The following APTX variants were observed in gnomAD, a reference collection of about 807,000 sequenced individuals.
APTX encodes the protein aprataxin.
APTX carries 33 observed loss-of-function variants against 42.3 expected under a neutral mutation model. That is an observed-to-expected ratio of 0.78 (90% confidence interval 0.59 to 1.04). The LOEUF (loss-of-function observed/expected upper bound fraction) is 1.04, where lower values mean the gene tolerates loss of function less well. Among genes scored for constraint, APTX ranks in the 50% least tolerant of loss-of-function variants. APTX has a pLI of 0.00. For synonymous variants in APTX, 130 were observed against 146.7 expected, an observed-to-expected ratio of 0.89 and a Z score of 0.82; for missense variants, 421 against 415.1, an observed-to-expected ratio of 1.01 and a Z score of -0.12.
Position 32,972,994 on chromosome 9 carries a change from A to G in APTX, c.*504T>C. ...GGATAGAAGGGCATGGAAGGACTGG[A>G]CAAACTAAGCCTCCCCATGAAGGAA... On this transcript the variant is annotated 3_prime_UTR_variant, in exon 8 of 8. Transcript: ENST00000379817. 1 of 454,138 alleles carries G rather than the reference A, an allele frequency of 2.2e-6. No individual in the cohort carries two copies. Among genetic ancestry groups the G allele is most frequent in the Non-Finnish European group, 4.4e-6 (1 of 226,774 alleles). 28.1% of individuals were successfully genotyped at this position (454,138 alleles called of 1,614,324 possible). A position where few individuals can be genotyped will look rare whatever the true frequency, so the allele number is the denominator to read the frequency against.
At chr9:32,981,839 T>A (rs1830745968) in intron 6 of APTX, among the ~76,000 whole-genome samples, 1 of 152,092 alleles carries the variant, frequency 6.6e-6, no homozygotes, top group South Asian at 2.1e-4. Flanking sequence ...AACTAATAAG[T>A]TAGGTGAAGG....
At chr9:33,024,461 T>C (rs757093316) in intron 1 of APTX, among the ~76,000 whole-genome samples, 4 of 152,156 alleles carry the variant, frequency 2.6e-5, no homozygotes, top group Non-Finnish European at 5.9e-5. Flanking sequence ...CCCTGACCCG[T>C]AGGATTTAAA....
intron 1 of APTX, among the ~76,000 whole-genome samples, chr9:33,016,826 T>C (rs553843155): frequency 1.3e-5 from 2 of 152,298 alleles, no homozygotes; most frequent in South Asian, 4.1e-4. Flanking sequence ...CCAGACTGTG[T>C]AGTGCTGGGC....
At chr9:33,020,801 C>G (rs1838310935) in intron 1 of APTX, among the ~76,000 whole-genome samples, 1 of 152,228 alleles carries the variant, frequency 6.6e-6, no homozygotes, top group Non-Finnish European at 1.5e-5. Flanking sequence ...CCAGCCATCT[C>G]CAGCTACCTC....
Position 32,989,884 on chromosome 9 carries a change from C to G in APTX, c.8G>C (p.Arg3Pro), listed in dbSNP as rs746257545. ...GTCCTGTCTCACCAACCAGCACACC[C>G]GCATCATCACTCTAAGGGACAAAAC... MM[R>P]VCWLVRQDSR... The change falls in exon 2 of 8, where the codon CGG becomes CCG. Residue 3 changes from arginine (R) to proline (P), a missense_variant. Coordinates refer to ENST00000379817, the MANE Select transcript of APTX (RefSeq NM_001195248.2). 2 of 1,613,882 alleles carry G rather than the reference C, an allele frequency of 1.2e-6. No individual in the cohort carries two copies. The highest frequency in any genetic ancestry group is 1.7e-5 in the Admixed American group (1 of 59,994).
rs534907918 is a variant in APTX at position 32,989,845 on chromosome 9, C to T, written c.47G>A (p.Arg16Gln). ...TGCTTCCAAATGTGGAAGTCTGATT[C>T]GCTGGTGCCGGCTGTCCTGTCTCAC... is the stretch of plus-strand genomic sequence containing the variant. Reference protein sequence around the residue: ...WLVRQDSRHQRIRLPHLEAVV... With the variant: ...WLVRQDSRHQQIRLPHLEAVV... Residue 16 changes from arginine (R) to glutamine (Q), a missense_variant, in exon 2 of 8, where the codon CGA (arginine) becomes CAA (glutamine). Arg to Gln is a conservative substitution (Grantham distance 43). Coordinates refer to ENST00000379817, the MANE Select transcript of APTX (RefSeq NM_001195248.2). The T allele has an allele frequency of 2.2e-5, 35 of 1,614,236 alleles. 1 individual carries two copies. The East Asian group carries it at 4.5e-4, about 21-fold the overall frequency.
In APTX at chr9:33,012,435, T is replaced by C. The variant is rs139231033; in HGVS notation, c.-5+12588A>G. On this transcript the variant is annotated intron_variant, in intron 1 of 6. Transcript: ENST00000436040. ...AGTCCCCTTCCACATTGACTGGACT[T>C]GGCTGAGTGACTGGCTTTTGCCAAT... Among the ~76,000 whole-genome samples the C allele has an allele frequency of 4.9e-3, 741 of 152,316 alleles. 8 individuals carry two copies. Among genetic ancestry groups the C allele is most frequent in the African/African-American group, 0.017 (717 of 41,562 alleles).
At chr9:33,011,310 T>TG (rs1176129802) in intron 1 of APTX, among the ~76,000 whole-genome samples, 3 of 151,446 alleles carry the variant, frequency 2.0e-5, no homozygotes, top group Non-Finnish European at 4.4e-5. Flanking sequence ...TGTTTTGAGA[T>TG]GGAGTCTTGC....
intron 1 of APTX, chr9:33,001,357 A>G: frequency 1.3e-6 from 2 of 1,529,306 alleles, no homozygotes; most frequent in Non-Finnish European, 1.7e-6. Context: ...CACGTGAACA[A>G]ACGCAAAGTG....
At chr9:32,986,267 T>C in intron 4 of APTX, 1 of 613,326 alleles carries the variant, frequency 1.6e-6, no homozygotes, top group Non-Finnish European at 3.0e-6. Context: ...CAAGCTGGAG[T>C]GCAGCGGCGT....
Position 32,987,828 on chromosome 9 carries a change from T to TA in APTX, c.198_199insT (p.Ser67Ter). On this transcript the variant is annotated frameshift_variant, in exon 4 of 8. Coordinates refer to ENST00000379817, the MANE Select transcript of APTX (RefSeq NM_001195248.2). LOFTEE classifies it high-confidence loss of function. ...TTCCCAATTACGACTGAGTCAATGC[T>TA]GGTGGGATTGACTCCTACCTATGGA... 1 of 1,613,558 alleles carries TA rather than the reference T, an allele frequency of 6.2e-7. No individual in the cohort carries two copies. Among genetic ancestry groups the TA allele is most frequent in the Non-Finnish European group, 8.5e-7 (1 of 1,180,012 alleles).
chr9:32,994,089 C>A (rs990493343), intron 1 of APTX, among the ~76,000 whole-genome samples: 2 of 152,162 alleles, frequency 1.3e-5, no homozygotes, highest in Non-Finnish European at 2.9e-5. Flanking sequence ...CCTTAAAGAA[C>A]TCAAGTGATC....
At chr9:32,973,835 T>C (rs1221510830) in intron 7 of APTX, 183 bp from the exon 8 acceptor site, 2 of 748,168 alleles carry the variant, frequency 2.7e-6, no homozygotes, top group Non-Finnish European at 4.6e-6. Context: ...ATTATAAATA[T>C]GAGCAACCCA....
chr9:33,001,464 T>A (rs746209448), intron 1 of APTX, 103 bp downstream of exon 1: 1 of 1,590,126 alleles, frequency 6.3e-7, no homozygotes, highest in Non-Finnish European at 8.5e-7. Context: ...GAAAGCAGCG[T>A]CATTCAAGGC....
chr9:33,008,843 C>T (rs1033965473), intron 1 of APTX, among the ~76,000 whole-genome samples: 4 of 151,702 alleles, frequency 2.6e-5, no homozygotes, highest in East Asian at 1.9e-4. Context: ...TGCGCCACCG[C>T]GTTGGCCTGA....
At chr9:33,015,133 G>T (rs1224024047) in intron 1 of APTX, among the ~76,000 whole-genome samples, 1 of 152,008 alleles carries the variant, frequency 6.6e-6, no homozygotes, top group Non-Finnish European at 1.5e-5. Flanking sequence ...TTAATGTATG[G>T]CATCTTGGGG....
chr9:32,987,265 C>T (rs1255695934), intron 4 of APTX, among the ~76,000 whole-genome samples: 1 of 152,176 alleles, frequency 6.6e-6, no homozygotes, highest in Non-Finnish European at 1.5e-5. Context: ...CTATGAAAAC[C>T]TTCTATAGAT....
Position 32,985,326 on chromosome 9 carries a change from G to GTT in APTX, c.544-471_544-470dup, listed in dbSNP as rs5897530. 6.0e-3 allele frequency among the ~76,000 whole-genome samples: 622 copies of GTT among 102,956 alleles called. 2 individuals carry two copies. The highest frequency in any genetic ancestry group is 9.1e-3 in the African/African-American group (208 of 22,790). The allele number at this position is 102,956 out of a possible 152,430, so 67.5% of individuals were successfully genotyped here. A position where few individuals can be genotyped will look rare whatever the true frequency, so the allele number is the denominator to read the frequency against. ...CAAAGGCTCCTCAAGGATGATGCCTGTTTTTTTTTTTTTTTTTTTTTTTTT... is the reference window on the plus strand; with the variant it reads ...CAAAGGCTCCTCAAGGATGATGCCTGTTTTTTTTTTTTTTTTTTTTTTTTTTT... On this transcript the variant is annotated intron_variant, in intron 5 of 7. Coordinates refer to ENST00000379817, the MANE Select transcript of APTX (RefSeq NM_001195248.2).
intron 5 of APTX, 118 bp downstream of exon 5, chr9:32,985,853 A>C (rs780794336): frequency 4.3e-4 from 422 of 983,782 alleles, no homozygotes; most frequent in Middle Eastern, 6.4e-4. Flanking sequence ...GAACAGCCCA[A>C]TAAAATGAAT....
Sources: allele counts gnomAD v4.1 joint callset (sites outside exome capture counted in the v4.1 genomes callset), GRCh38; gene constraint gnomAD v4.1.1; transcripts MANE v1.5; gene names NCBI Gene and HGNC (gene_info 2026-07-23, HGNC 2026-07-21).